The following DNAH7 variants were observed in gnomAD, a reference collection of about 807,000 sequenced individuals.
DNAH7 encodes dynein axonemal heavy chain 7, also known as axonemal beta dynein heavy chain 7.
DNAH7 carries 397 observed loss-of-function variants against 444.6 expected under a neutral mutation model. The ratio of observed to expected loss-of-function variants is 0.89; its 90% CI spans 0.82 to 0.97. The LOEUF (loss-of-function observed/expected upper bound fraction) is 0.97. DNAH7 is among the 50% of genes least tolerant of loss of function. The probability of loss-of-function intolerance (pLI) is 0.00; values close to 1 mark genes in which losing one functional copy is unlikely to be tolerated. For missense variants in DNAH7, 4,902 were observed against 4,800.8 expected (o/e 1.02, Z -0.62); for synonymous variants, 1,636 against 1,624.4 (o/e 1.01, Z -0.17).
At chr2:195,943,851 G>C (rs182617508) in intron 19 of DNAH7, among the ~76,000 whole-genome samples, 14 of 152,022 alleles carry the variant, frequency 9.2e-5, no homozygotes, top group Admixed American at 9.2e-4. Flanking sequence ...GGCATATGCC[G>C]GTTGACATGT....
intron 61 of DNAH7, among the ~76,000 whole-genome samples, chr2:195,763,630 A>G (rs1694445090): frequency 6.6e-6 from 1 of 152,104 alleles, no homozygotes; most frequent in African/African-American, 2.4e-5. Flanking sequence ...AACCTAGAAG[A>G]AATGGAGAAA....
At chr2:195,941,446 G>A (rs975130252) in intron 19 of DNAH7, among the ~76,000 whole-genome samples, 8 of 103,774 alleles carry the variant, frequency 7.7e-5, no homozygotes, top group East Asian at 2.7e-4. Flanking sequence ...CTAGAACCTA[G>A]ATGACAAAAA....
chr2:195,962,125 C>T (rs1384296591), intron 17 of DNAH7, among the ~76,000 whole-genome samples: 1 of 152,046 alleles, frequency 6.6e-6, no homozygotes, highest in African/African-American at 2.4e-5. Context: ...GAGAAGAGAA[C>T]TGAAAAGTGT....
At position 195,957,399 on chromosome 2, in the gene DNAH7, C is replaced by A; in HGVS notation, c.2940G>T (p.Trp980Cys). Residue 980 changes from tryptophan to cysteine, a missense_variant, in exon 19 of 65, where the codon TGG becomes TGT. By Grantham distance (215) the Trp-to-Cys change is radical (BLOSUM62 -2). Transcript: ENST00000312428. ...ACAGCCACGTGGCTTGGACTTTGAGCCATTCATCCAGAATCTCCTGAAGCA... is the reference window on the plus strand; with the variant it reads ...ACAGCCACGTGGCTTGGACTTTGAGACATTCATCCAGAATCTCCTGAAGCA... Reference protein sequence around the residue: ...LLLLQEILDEWLKVQATWLYL... With the variant: ...LLLLQEILDECLKVQATWLYL... 2 of 1,597,240 alleles carry A rather than the reference C, an allele frequency of 1.3e-6. No homozygotes were observed. The highest frequency in any genetic ancestry group is 1.7e-6 in the Non-Finnish European group (2 of 1,167,812).
intron 21 of DNAH7, among the ~76,000 whole-genome samples, chr2:195,929,931 A>G (rs1366716179): frequency 1.3e-5 from 2 of 152,270 alleles, no homozygotes; most frequent in Non-Finnish European, 2.9e-5. Flanking sequence ...CAGAGTAAAC[A>G]GACAACCTAT....
intron 5 of DNAH7, among the ~76,000 whole-genome samples, chr2:196,046,418 G>T (rs1039357437): frequency 2.6e-5 from 4 of 152,058 alleles, no homozygotes; most frequent in African/African-American, 9.7e-5. Context: ...TCTTGGGCAG[G>T]GCTCCAGGTA....
chr2:195,839,358 T>C (rs1314644528), intron 47 of DNAH7, among the ~76,000 whole-genome samples: 3 of 151,860 alleles, frequency 2.0e-5, no homozygotes, highest in African/African-American at 7.2e-5. Context: ...AAATTTGTGC[T>C]ATGTAGCTAA....
At chr2:195,932,848 G>A (rs1394303963) in intron 21 of DNAH7, among the ~76,000 whole-genome samples, 17 of 152,050 alleles carry the variant, frequency 1.1e-4, no homozygotes, top group African/African-American at 2.4e-4. Flanking sequence ...TTTTTGCATC[G>A]ATGTTCATCA....
intron 61 of DNAH7, among the ~76,000 whole-genome samples, chr2:195,770,786 C>T (rs989737496): frequency 6.6e-6 from 1 of 151,838 alleles, no homozygotes; most frequent in Non-Finnish European, 1.5e-5. Context: ...AGGATCGTAG[C>T]TTACTGCAGC....
Position 195,988,241 on chromosome 2 carries a change from G to A in DNAH7, c.1354-12C>T. ...TTAGACTTACTTTCCTAAACAAGGG[G>A]GTAAAAATAATAGTATTTAAAATAT... is the stretch of plus-strand genomic sequence containing the variant. On this transcript the variant is annotated splice_polypyrimidine_tract_variant and intron_variant, in intron 12 of 64. Transcript: ENST00000312428. 2.6e-6 allele frequency: 4 copies of A among 1,567,006 alleles called. No homozygotes were observed. Among genetic ancestry groups the A allele is most frequent in the East Asian group, 2.3e-5 (1 of 44,162 alleles).
At chr2:196,051,164 G>T in intron 3 of DNAH7, 23 bp downstream of exon 3, 1 of 1,596,526 alleles carries the variant, frequency 6.3e-7, no homozygotes, top group South Asian at 1.1e-5. Flanking sequence ...AAAATTCAAT[G>T]AGAATATATT....
intron 35 of DNAH7, among the ~76,000 whole-genome samples, chr2:195,882,845 C>A (rs1349637387): frequency 6.6e-6 from 1 of 152,116 alleles, no homozygotes; most frequent in East Asian, 1.9e-4. Flanking sequence ...CCCCCCACCC[C>A]GCTTCCCTGG....
At chr2:195,904,668 T>C (rs566444650) in intron 27 of DNAH7, 1 of 152,354 alleles carries the variant, frequency 6.6e-6, no homozygotes, top group Non-Finnish European at 1.5e-5. Flanking sequence ...AGTGAACTAT[T>C]GCAATAAGAC....
intron 17 of DNAH7, among the ~76,000 whole-genome samples, chr2:195,964,997 T>C (rs1691376193): frequency 1.3e-5 from 2 of 152,212 alleles, no homozygotes; most frequent in Non-Finnish European, 2.9e-5. Flanking sequence ...CTTCCAGCAC[T>C]ATGTTGACTC....
At chr2:195,769,764 T>C (rs1054278272) in intron 61 of DNAH7, among the ~76,000 whole-genome samples, 1 of 152,160 alleles carries the variant, frequency 6.6e-6, no homozygotes, top group Non-Finnish European at 1.5e-5. Context: ...TAGGTTTGCA[T>C]AGACCTGCTT....
At chr2:195,974,231 C>T (rs56412502) in intron 15 of DNAH7, among the ~76,000 whole-genome samples, 14,494 of 152,094 alleles carry the variant, frequency 0.095, 776 homozygotes, top group African/African-American at 0.14. Flanking sequence ...AAATCCAAAC[C>T]AACAGGATAC....
In DNAH7 at chr2:195,895,038, A is replaced by G. The variant is rs371017642; in HGVS notation, c.4834T>C (p.Phe1612Leu). 1.9e-6 allele frequency: 3 copies of G among 1,613,196 alleles called. No homozygotes were observed. The highest frequency in any genetic ancestry group is 1.3e-5 in the African/African-American group (1 of 74,898). ...CGATATGCACTAGTTTTTCCTCCAA[A>G]TGGTTCTCCAACAATCATAAAACCA... ...RHGFMIVGEP[F>L]GGKTSAYRVL... Residue 1612 changes from phenylalanine (F) to leucine (L), a missense_variant, in exon 30 of 65, where the codon TTT (phenylalanine) becomes CTT (leucine). Transcript: ENST00000312428.
rs181638309 is a variant in DNAH7 at position 195,972,632 on chromosome 2, T to C, written c.1834-166A>G. On this transcript the variant is annotated intron_variant, in intron 15 of 64. Coordinates refer to ENST00000312428, the MANE Select transcript of DNAH7 (RefSeq NM_018897.3). The stretch of plus-strand genomic sequence containing the variant: ...GTTTCCTTCTCATCCCTCCCAAACA[T>C]CTCACTAAAATGACAACAACAAAAA... 4.6e-5 allele frequency among the ~76,000 whole-genome samples: 7 copies of C among 151,696 alleles called. No homozygotes were observed. In the South Asian group the frequency reaches 6.2e-4, roughly 14 times the overall value.
At chr2:195,785,813 A>G (rs1001952899) in intron 58 of DNAH7, among the ~76,000 whole-genome samples, 1 of 152,174 alleles carries the variant, frequency 6.6e-6, no homozygotes, top group Non-Finnish European at 1.5e-5. Flanking sequence ...TGTTCAGAAC[A>G]AATTCCTAAA....
Sources: allele counts gnomAD v4.1 joint callset (sites outside exome capture counted in the v4.1 genomes callset), GRCh38; gene constraint gnomAD v4.1.1; transcripts MANE v1.5; gene names NCBI Gene and HGNC (gene_info 2026-07-23, HGNC 2026-07-21).